RNF216: variants seen among roughly 807,000 people sequenced by gnomAD.
The protein encoded by RNF216 is E3 ubiquitin-protein ligase RNF216.
RNF216 carries 72 observed loss-of-function variants against 110.8 expected under a neutral mutation model. The observed-to-expected ratio is 0.65, with a 90% CI of 0.54 to 0.79. RNF216 has a LOEUF of 0.79. Ranked by LOEUF, RNF216 falls within the 30% of genes least tolerant of loss-of-function variation. RNF216 has a pLI of 0.00. For missense variants in RNF216, 1,342 were observed against 1,141.2 expected (o/e 1.18, Z -2.54); for synonymous variants, 495 against 407.5 (o/e 1.21, Z -2.59).
chr7:5,675,479 T>C (rs1790222730), intron 13 of RNF216, among the ~76,000 whole-genome samples: 1 of 148,600 alleles, frequency 6.7e-6, no homozygotes, highest in Non-Finnish European at 1.5e-5. Context: ...CTACGAAAAA[T>C]AAATTTAAAA....
intron 13 of RNF216, among the ~76,000 whole-genome samples, chr7:5,711,262 A>G (rs1164688969): frequency 6.6e-6 from 1 of 152,214 alleles, no homozygotes; most frequent in African/African-American, 2.4e-5. Flanking sequence ...CTCCCACGTA[A>G]TATAGTCAGT....
intron 3 of RNF216, among the ~76,000 whole-genome samples, chr7:5,744,336 C>A (rs939931687): frequency 6.6e-6 from 1 of 152,006 alleles, no homozygotes; most frequent in Non-Finnish European, 1.5e-5. Context: ...CATAGTAAGG[C>A]ATAGACAAAA....
chr7:5,758,066 G>A (rs374759095), intron 2 of RNF216, among the ~76,000 whole-genome samples: 6 of 152,120 alleles, frequency 3.9e-5, no homozygotes, highest in South Asian at 2.1e-4. Context: ...CTCATGATGG[G>A]TGCAGAGTAT....
At chr7:5,777,779 G>C (rs2128686730) in intron 1 of RNF216, among the ~76,000 whole-genome samples, 1 of 152,296 alleles carries the variant, frequency 6.6e-6, no homozygotes, top group East Asian at 1.9e-4. Context: ...ACAGCTCTAA[G>C]AATCCTATTA....
At chr7:5,682,668 A>C (rs942085763) in intron 13 of RNF216, among the ~76,000 whole-genome samples, 9 of 152,044 alleles carry the variant, frequency 5.9e-5, no homozygotes, top group Admixed American at 5.2e-4. Flanking sequence ...CAGCCTCCCA[A>C]AGGGCTGGGA....
At chr7:5,735,602 C>G (rs1354556947) in intron 5 of RNF216, among the ~76,000 whole-genome samples, 1 of 151,878 alleles carries the variant, frequency 6.6e-6, no homozygotes, top group Non-Finnish European at 1.5e-5. Context: ...AAAGAACACC[C>G]CTGAAGAAAT....
At chr7:5,686,194 G>C (rs147349291) in intron 13 of RNF216, among the ~76,000 whole-genome samples, 365 of 144,558 alleles carry the variant, frequency 2.5e-3, no homozygotes, top group African/African-American at 8.8e-3. Flanking sequence ...CTGCACTCCA[G>C]CCTGGGTTGA....
At chr7:5,728,687 A>G (rs1299225150) in intron 7 of RNF216, among the ~76,000 whole-genome samples, 1 of 152,208 alleles carries the variant, frequency 6.6e-6, no homozygotes, top group African/African-American at 2.4e-5. Context: ...GTAAGACCCA[A>G]TGAGTATTTT....
intron 8 of RNF216, 61 bp downstream of exon 8, chr7:5,725,263 T>C: frequency 2.0e-6 from 2 of 992,768 alleles, no homozygotes; most frequent in Non-Finnish European, 3.2e-6. Context: ...CTTCACTGAC[T>C]GTGAAGAAGA....
intron 1 of RNF216, among the ~76,000 whole-genome samples, chr7:5,779,828 C>CAAA (rs35798344): frequency 0.43 from 22,000 of 50,854 alleles, 4,105 homozygotes; most frequent in East Asian, 0.67. Flanking sequence ...GACTCCGCCT[C>CAAA]AAAAAAAAAA....
At chr7:5,742,780 G>A (rs911996433) in intron 3 of RNF216, among the ~76,000 whole-genome samples, 1 of 151,714 alleles carries the variant, frequency 6.6e-6, no homozygotes, top group Non-Finnish European at 1.5e-5. Context: ...ATTTTTGTTA[G>A]AGACAGGGTT....
intron 1 of RNF216, among the ~76,000 whole-genome samples, chr7:5,772,620 T>C (rs1796555205): frequency 6.6e-6 from 1 of 152,198 alleles, no homozygotes; most frequent in South Asian, 2.1e-4. Context: ...TCTCATTAAA[T>C]GTCTACAAAG....
At chr7:5,702,069 G>A (rs1026859420) in intron 13 of RNF216, among the ~76,000 whole-genome samples, 1 of 152,188 alleles carries the variant, frequency 6.6e-6, no homozygotes, top group Non-Finnish European at 1.5e-5. Context: ...GCCCCAGGTC[G>A]CTGCCGGGTT....
At chr7:5,714,955 T>A (rs1792947540) in intron 11 of RNF216, 98 bp downstream of exon 11, 2 of 1,128,330 alleles carry the variant, frequency 1.8e-6, no homozygotes, top group Admixed American at 4.4e-5. Context: ...GAACTCCACC[T>A]CACCCTCAAA....
At chr7:5,749,063 C>T (rs765930668) in intron 3 of RNF216, among the ~76,000 whole-genome samples, 5 of 151,894 alleles carry the variant, frequency 3.3e-5, no homozygotes, top group Non-Finnish European at 7.4e-5. Flanking sequence ...AACTCCAATG[C>T]CTTTTAGTTC....
At chr7:5,651,548 A>G (rs955378080) in intron 14 of RNF216, among the ~76,000 whole-genome samples, 5 of 152,140 alleles carry the variant, frequency 3.3e-5, no homozygotes, top group Non-Finnish European at 7.4e-5. Flanking sequence ...CAATCTCTGA[A>G]TAACGTCAGG....
At chr7:5,773,759 G>C (rs769137105) in intron 1 of RNF216, among the ~76,000 whole-genome samples, 1 of 150,798 alleles carries the variant, frequency 6.6e-6, no homozygotes, top group Non-Finnish European at 1.5e-5. Flanking sequence ...GTAGAGAAGT[G>C]GTTTTGTCAT....
At chr7:5,666,741 C>T (rs1256284615) in intron 13 of RNF216, 1 of 151,946 alleles carries the variant, frequency 6.6e-6, no homozygotes, top group African/African-American at 2.4e-5. Flanking sequence ...GACTAAGCCC[C>T]TTCCAAAGGA....
At chr7:5,780,645 C>G (rs1429914899) in intron 1 of RNF216, among the ~76,000 whole-genome samples, 3 of 151,840 alleles carry the variant, frequency 2.0e-5, no homozygotes, top group East Asian at 3.9e-4. Context: ...GCAGAGCTTG[C>G]AGTGAGCCGG....
Sources: gnomAD v4.1 joint callset for allele counts (sites outside exome capture counted in the v4.1 genomes callset) on GRCh38, gnomAD v4.1.1 for gene constraint, MANE v1.5 for transcripts, NCBI Gene and HGNC (gene_info 2026-07-23, HGNC 2026-07-21) for gene names.